NRXN1: variants seen among roughly 807,000 people sequenced by gnomAD.
NRXN1 encodes the protein neurexin 1.
NRXN1 carries 39 observed loss-of-function variants against 150.9 expected under a neutral mutation model. The ratio of observed to expected loss-of-function variants is 0.26; its 90% CI spans 0.20 to 0.34. The LOEUF (loss-of-function observed/expected upper bound fraction) is 0.34. NRXN1 is among the 10% of genes least tolerant of loss of function. The probability of loss-of-function intolerance (pLI) is 1.00; values close to 1 mark genes in which losing one functional copy is unlikely to be tolerated. For synonymous variants in NRXN1, 924 were observed against 757.0 expected (o/e 1.22, Z -3.62); for missense variants, 1,815 against 1,949.9 (o/e 0.93, Z 1.30).
intron 5 of NRXN1, among the ~76,000 whole-genome samples, chr2:50,811,284 A>T (rs1668176627): frequency 6.6e-6 from 1 of 152,158 alleles, no homozygotes; most frequent in South Asian, 2.1e-4. Flanking sequence ...TCTCTCAGTT[A>T]TTCACACACT....
At chr2:50,367,494 C>T (rs1050179222) in intron 17 of NRXN1, among the ~76,000 whole-genome samples, 4 of 151,952 alleles carry the variant, frequency 2.6e-5, no homozygotes, top group Non-Finnish European at 4.4e-5. Flanking sequence ...TTATTGAGCA[C>T]TTACTCTGCA....
At chr2:50,496,472 G>T (rs1024606920) in intron 14 of NRXN1, among the ~76,000 whole-genome samples, 17 of 151,882 alleles carry the variant, frequency 1.1e-4, no homozygotes, top group African/African-American at 3.9e-4. Context: ...CCTCTATCTC[G>T]ATTCCCTGTT....
At chr2:50,606,577 G>A (rs74585678) in intron 8 of NRXN1, among the ~76,000 whole-genome samples, 15,826 of 150,038 alleles carry the variant, frequency 0.11, 864 homozygotes, top group African/African-American at 0.13. Context: ...TATTTGCTAA[G>A]TGGGTAGATC....
intron 17 of NRXN1, among the ~76,000 whole-genome samples, chr2:50,415,362 G>A (rs2083461973): frequency 6.6e-6 from 1 of 151,844 alleles, no homozygotes; most frequent in African/African-American, 2.4e-5. Flanking sequence ...ATTTTTTTAT[G>A]GCTCAAATAT....
intron 5 of NRXN1, among the ~76,000 whole-genome samples, chr2:50,846,153 T>C (rs143696984): frequency 9.1e-4 from 139 of 152,326 alleles, no homozygotes; most frequent in African/African-American, 3.1e-3. Flanking sequence ...AGTAATTCCA[T>C]ACATTTTTTC....
intron 19 of NRXN1, among the ~76,000 whole-genome samples, chr2:50,081,526 C>T (rs936996818): frequency 6.6e-6 from 1 of 151,978 alleles, no homozygotes; most frequent in African/African-American, 2.4e-5. Flanking sequence ...CACTCCAGCC[C>T]GGTGATAGAG....
chr2:50,022,006 A>G (rs1383382593), intron 21 of NRXN1, among the ~76,000 whole-genome samples: 1 of 152,118 alleles, frequency 6.6e-6, no homozygotes, highest in Non-Finnish European at 1.5e-5. Flanking sequence ...GTGTGCCACC[A>G]TGCCTGGCTA....
chr2:50,496,142 T>A (rs780314899), intron 14 of NRXN1, 47 bp from the exon 15 acceptor site: 2 of 1,442,610 alleles, frequency 1.4e-6, no homozygotes, highest in East Asian at 2.5e-5. Flanking sequence ...TTTTTAAATT[T>A]TGATGAACCT....
chr2:50,820,880 T>C (rs1669629413), intron 5 of NRXN1, among the ~76,000 whole-genome samples: 1 of 152,166 alleles, frequency 6.6e-6, no homozygotes, highest in Admixed American at 6.6e-5. Flanking sequence ...GGTCTGTTTG[T>C]GTTATAGATT....
At chr2:50,459,477 A>G (rs147456481) in intron 17 of NRXN1, among the ~76,000 whole-genome samples, 4 of 152,156 alleles carry the variant, frequency 2.6e-5, no homozygotes, top group Non-Finnish European at 5.9e-5. Flanking sequence ...TCCACCCTCA[A>G]GTAGACTGTG....
intron 8 of NRXN1, among the ~76,000 whole-genome samples, chr2:50,567,396 C>A (rs1433526124): frequency 6.6e-6 from 1 of 151,922 alleles, no homozygotes; most frequent in Admixed American, 6.6e-5. Flanking sequence ...TGATGAAGCC[C>A]AAAACAGCAG....
At chr2:50,865,987 A>G (rs1411402202) in intron 5 of NRXN1, among the ~76,000 whole-genome samples, 3 of 151,598 alleles carry the variant, frequency 2.0e-5, no homozygotes, top group Non-Finnish European at 4.4e-5. Flanking sequence ...CGAACTCCAA[A>G]CCAATTTTAC....
At chr2:50,868,855 G>A (rs1677348521) in intron 5 of NRXN1, among the ~76,000 whole-genome samples, 1 of 151,658 alleles carries the variant, frequency 6.6e-6, no homozygotes, top group African/African-American at 2.4e-5. Context: ...ATAAATTGTA[G>A]GATTACCTTA....
intron 13 of NRXN1, among the ~76,000 whole-genome samples, chr2:50,499,290 A>C (rs1417297110): frequency 6.6e-6 from 1 of 152,010 alleles, no homozygotes; most frequent in East Asian, 1.9e-4. Context: ...ACAACATTCT[A>C]CTCATCCTTG....
chr2:50,011,540 G>A (rs1038587862), intron 21 of NRXN1, among the ~76,000 whole-genome samples: 2 of 152,048 alleles, frequency 1.3e-5, no homozygotes, highest in African/African-American at 4.8e-5. Flanking sequence ...TTGTTTATAA[G>A]CATAGATAAT....
At chr2:50,332,647 G>A (rs1200099614) in intron 17 of NRXN1, among the ~76,000 whole-genome samples, 1 of 152,198 alleles carries the variant, frequency 6.6e-6, no homozygotes, top group Non-Finnish European at 1.5e-5. Context: ...AGAATCAGAT[G>A]CTGTAATTAT....
intron 12 of NRXN1, among the ~76,000 whole-genome samples, chr2:50,511,117 G>A (rs2092437262): frequency 6.6e-6 from 1 of 151,938 alleles, no homozygotes; most frequent in East Asian, 1.9e-4. Flanking sequence ...CTAGAGTGCA[G>A]TGGTGCAATC....
chr2:50,796,134 G>C (rs778673055), intron 5 of NRXN1, among the ~76,000 whole-genome samples: 2 of 152,056 alleles, frequency 1.3e-5, no homozygotes, highest in Non-Finnish European at 2.9e-5. Flanking sequence ...GCTTGGTCTG[G>C]TTGCTAGGCT....
intron 17 of NRXN1, among the ~76,000 whole-genome samples, chr2:50,272,580 A>G (rs1425900230): frequency 6.6e-6 from 1 of 152,180 alleles, no homozygotes; most frequent in Non-Finnish European, 1.5e-5. Context: ...GAGTCTGAAG[A>G]AGAGATGAAG....
Sources: allele counts gnomAD v4.1 joint callset (sites outside exome capture counted in the v4.1 genomes callset), GRCh38; gene constraint gnomAD v4.1.1; transcripts MANE v1.5; gene names NCBI Gene and HGNC (gene_info 2026-07-23, HGNC 2026-07-21).